Variants in KHDRBS2 observed in about 807,000 individuals in gnomAD.
The protein encoded by KHDRBS2 is KH domain-containing, RNA-binding, signal transduction-associated protein 2.
Under a neutral mutation model 44.3 loss-of-function variants are expected in KHDRBS2, and 26 were observed. The ratio of observed to expected loss-of-function variants is 0.59; its 90% CI spans 0.43 to 0.81. KHDRBS2 has a LOEUF of 0.81. Among genes scored for constraint, KHDRBS2 ranks in the 40% least tolerant of loss-of-function variants. The pLI, the probability that KHDRBS2 is intolerant of heterozygous loss-of-function variation, is 0.00. For synonymous variants in KHDRBS2, 194 were observed against 151.1 expected, an observed-to-expected ratio of 1.28 and a Z score of -2.08; for missense variants, 476 against 433.1, an observed-to-expected ratio of 1.10 and a Z score of -0.88.
chr6:62,214,265 T>C (rs1161048611), intron 1 of KHDRBS2, among the ~76,000 whole-genome samples: 7 of 152,144 alleles, frequency 4.6e-5, no homozygotes, highest in Non-Finnish European at 7.3e-5. Context: ...ATATCATTCT[T>C]CCATATACAG....
chr6:61,678,343 A>G (rs762614585), downstream of KHDRBS2, among the ~76,000 whole-genome samples: 28 of 151,942 alleles, frequency 1.8e-4, no homozygotes, highest in Non-Finnish European at 3.2e-4. Context: ...CAGCGATTTT[A>G]CTCCGTAACT....
At chr6:61,805,597 T>C (rs1410705686) in intron 6 of KHDRBS2, among the ~76,000 whole-genome samples, 1 of 152,186 alleles carries the variant, frequency 6.6e-6, no homozygotes, top group Non-Finnish European at 1.5e-5. Context: ...AGAAAGAGAC[T>C]TAATTGACTC....
the KHDRBS2 span, among the ~76,000 whole-genome samples, chr6:61,544,518 A>G: frequency 3.0e-3 from 458 of 152,296 alleles, 3 homozygotes; most frequent in Non-Finnish European, 4.7e-3. Flanking sequence ...TCTTTTGTTT[A>G]AAATGCTTAT....
chr6:62,146,357 C>G (rs554505074), intron 2 of KHDRBS2, among the ~76,000 whole-genome samples: 1 of 151,778 alleles, frequency 6.6e-6, no homozygotes, highest in South Asian at 2.1e-4. Context: ...TCCCAAATCA[C>G]CTAAACAAAG....
At chr6:61,775,135 T>C (rs1172764790) in intron 6 of KHDRBS2, among the ~76,000 whole-genome samples, 2 of 152,064 alleles carry the variant, frequency 1.3e-5, no homozygotes, top group East Asian at 1.9e-4. Context: ...ATGGATGGGA[T>C]GTATCTCAAA....
At chr6:61,804,906 C>T (rs1159632409) in intron 6 of KHDRBS2, among the ~76,000 whole-genome samples, 1 of 152,178 alleles carries the variant, frequency 6.6e-6, no homozygotes, top group African/African-American at 2.4e-5. Flanking sequence ...GCCCTGGAGA[C>T]ATTTTCCCTA....
rs141996874 is a variant in KHDRBS2, at chr6:61,859,289, T to TA, written c.810+35345dup. Among the ~76,000 whole-genome samples, 640 of 151,962 alleles carry TA rather than the reference T, an allele frequency of 4.2e-3. 9 individuals are homozygous for TA. Among genetic ancestry groups the TA allele is most frequent in the African/African-American group, 0.015 (614 of 41,492 alleles). ...TGTTTAATTTTTAGCAGGCTACATATACGCTTGGGGCAGGAGATGTACACA... is the reference window on the plus strand; with the variant it reads ...TGTTTAATTTTTAGCAGGCTACATATAACGCTTGGGGCAGGAGATGTACACA... On this transcript the variant is annotated intron_variant, in intron 6 of 8. Transcript: ENST00000281156.
chr6:62,152,400 T>C (rs566153162), intron 2 of KHDRBS2, among the ~76,000 whole-genome samples: 44 of 152,336 alleles, frequency 2.9e-4, no homozygotes, highest in African/African-American at 9.9e-4. Context: ...ATAAGTCAGC[T>C]AGCACAGTGT....
At position 62,264,347 on chromosome 6, in the gene KHDRBS2, A is replaced by G. The variant is rs567937771; in HGVS notation, c.91+21511T>C. ...GTCAAACCAAAAATGCTTATTACCT[A>G]TTCCTTTAATCAAAAACTCTAAGAC... On this transcript the variant is annotated intron_variant, in intron 1 of 8. Transcript: ENST00000281156. Among the ~76,000 whole-genome samples the G allele has an allele frequency of 6.6e-5, 10 of 151,968 alleles. No homozygotes were observed. The East Asian group carries it at 1.9e-3, about 29-fold the overall frequency.
chr6:61,916,960 T>G (rs1312615630), intron 4 of KHDRBS2, among the ~76,000 whole-genome samples: 1 of 138,748 alleles, frequency 7.2e-6, no homozygotes, highest in African/African-American at 2.7e-5. Context: ...AAACAGGAAC[T>G]CTGTATTTTT....
intron 6 of KHDRBS2, among the ~76,000 whole-genome samples, chr6:61,790,656 T>A (rs1223989686): frequency 6.6e-6 from 1 of 151,614 alleles, no homozygotes; most frequent in Non-Finnish European, 1.5e-5. Flanking sequence ...ATTTTCTTTT[T>A]AAAATTATTG....
the KHDRBS2 span, among the ~76,000 whole-genome samples, chr6:61,614,106 G>A: frequency 2.6e-5 from 4 of 152,142 alleles, no homozygotes; most frequent in African/African-American, 9.7e-5. Flanking sequence ...TTGAACTTGA[G>A]AGAATGAGGT....
intron 1 of KHDRBS2, among the ~76,000 whole-genome samples, chr6:62,264,369 A>T (rs1348057173): frequency 2.0e-5 from 3 of 151,850 alleles, no homozygotes; most frequent in Non-Finnish European, 4.4e-5. Context: ...AAAAACTCTA[A>T]GACCAAAATG....
At chr6:61,622,693 G>A in the KHDRBS2 span, among the ~76,000 whole-genome samples, 4 of 152,078 alleles carry the variant, frequency 2.6e-5, no homozygotes, top group African/African-American at 7.2e-5. Context: ...GAGTTTCCCC[G>A]GCAGGAAGTG....
At chr6:61,570,737 C>T in the KHDRBS2 span, among the ~76,000 whole-genome samples, 6 of 152,134 alleles carry the variant, frequency 3.9e-5, no homozygotes, top group African/African-American at 7.2e-5. Flanking sequence ...AGAAACTTTA[C>T]AGCTCAGAAG....
chr6:61,761,538 T>A (rs1329821477), intron 6 of KHDRBS2, among the ~76,000 whole-genome samples: 2 of 152,134 alleles, frequency 1.3e-5, no homozygotes, highest in African/African-American at 4.8e-5. Context: ...TGCATTAAGG[T>A]ATCTGGTACT....
chr6:61,868,800 G>GC (rs1798168226), intron 6 of KHDRBS2, among the ~76,000 whole-genome samples: 1 of 152,186 alleles, frequency 6.6e-6, no homozygotes, highest in South Asian at 2.1e-4. Flanking sequence ...CCTGCATTCA[G>GC]CCCCCTTCCA....
the KHDRBS2 span, among the ~76,000 whole-genome samples, chr6:61,667,116 T>G: frequency 1.3e-4 from 20 of 149,512 alleles, no homozygotes; most frequent in East Asian, 2.2e-3. Flanking sequence ...ACGTCAATTA[T>G]CCAATAGCCG....
chr6:61,855,279 T>A (rs1795983505), intron 6 of KHDRBS2, among the ~76,000 whole-genome samples: 1 of 152,088 alleles, frequency 6.6e-6, no homozygotes, highest in South Asian at 2.1e-4. Flanking sequence ...TTGATTTTTG[T>A]AAATTTTTAG....
Sources: gnomAD v4.1 joint callset for allele counts (sites outside exome capture counted in the v4.1 genomes callset) on GRCh38, gnomAD v4.1.1 for gene constraint, MANE v1.5 for transcripts, NCBI Gene and HGNC (gene_info 2026-07-23, HGNC 2026-07-21) for gene names.